Variants in UGDH observed in about 807,000 individuals in gnomAD.
The protein encoded by UGDH is UDP-Glc dehydrogenase.
In UGDH, 38 loss-of-function variants were observed where a neutral mutation model predicts 50.6. The observed-to-expected ratio is 0.75, with a 90% confidence interval of 0.58 to 0.98. UGDH has a LOEUF of 0.98. Among genes scored for constraint, UGDH ranks in the 50% least tolerant of loss-of-function variants. UGDH has a pLI of 0.00. For synonymous variants in UGDH, 168 were observed against 199.9 expected (o/e 0.84, Z 1.35); for missense variants, 465 against 606.2 (o/e 0.77, Z 2.45).
At chr4:39,503,003 G>A (rs1170462761) in intron 11 of UGDH, among the ~76,000 whole-genome samples, 7 of 152,036 alleles carry the variant, frequency 4.6e-5, no homozygotes, top group African/African-American at 1.4e-4. Flanking sequence ...TGCAACCTCC[G>A]CCTCCCAGGT....
Position 39,509,810 on chromosome 4 carries a change from G to A in UGDH, c.761C>T (p.Ala254Val), listed in dbSNP as rs1746165497. ...TGADVEEVAT[A>V]IGMDQRIGNK... is the part of the protein sequence containing the mutation. The stretch of plus-strand genomic sequence containing the variant: ...TCCAATTCTCTGGTCCATTCCAATC[G>A]CTGTTGCTACCTCTTCTACATCAGC... The change falls in exon 6 of 12, where the codon GCG (alanine) becomes GTG (valine). Residue 254 changes from alanine to valine, a missense_variant. Ala to Val is a moderately conservative substitution (Grantham distance 64). Coordinates refer to ENST00000316423, the MANE Select transcript of UGDH (RefSeq NM_003359.4). The A allele has an allele frequency of 1.2e-6, 2 of 1,612,862 alleles. No homozygotes were observed. The highest frequency in any genetic ancestry group is 1.7e-6 in the Non-Finnish European group (2 of 1,179,742).
At chr4:39,508,787 T>C (rs909958319) in intron 6 of UGDH, 127 bp from the exon 7 acceptor site, 39 of 745,672 alleles carry the variant, frequency 5.2e-5, no homozygotes, top group Admixed American at 3.1e-4. Flanking sequence ...TTCAGATGGA[T>C]AAATAATGGG....
At chr4:39,519,578 G>A (rs1034416094) in intron 2 of UGDH, among the ~76,000 whole-genome samples, 5 of 151,874 alleles carry the variant, frequency 3.3e-5, no homozygotes, top group African/African-American at 9.7e-5. Flanking sequence ...TTGCTCTGTA[G>A]CCCAGGCTGG....
Position 39,509,910 on chromosome 4 carries a change from T to TC in UGDH, c.664-4_664-3insG. On this transcript the variant is annotated splice_polypyrimidine_tract_variant and splice_region_variant and intron_variant, in intron 5 of 11. Transcript: ENST00000316423. The stretch of plus-strand genomic sequence containing the variant: ...TGGGCAAGAAAAGCATTTGCTGCCT[T>TC]AAAAAAAAAAAACATAGAGAAGAGT... 2.1e-6 allele frequency: 3 copies of TC among 1,399,122 alleles called. No homozygotes were observed. In the South Asian group the frequency reaches 4.0e-5, roughly 18 times the overall value. The allele number at this position is 1,399,122 out of a possible 1,614,324, so 86.7% of individuals were successfully genotyped here.
At chr4:39,501,276 ATTTT>A (rs71192870) in intron 11 of UGDH, among the ~76,000 whole-genome samples, 2 of 132,264 alleles carry the variant, frequency 1.5e-5, no homozygotes, top group African/African-American at 2.9e-5. Flanking sequence ...AACAGCATAA[ATTTT>A]TTTTTTTTTT....
Position 39,514,167 on chromosome 4 carries a change from C to T in UGDH, c.180G>A (p.Val60=), listed in dbSNP as rs948633603. 5 of 1,582,738 alleles carry T rather than the reference C, an allele frequency of 3.2e-6. No individual in the cohort carries two copies. The highest frequency in any genetic ancestry group is 4.3e-6 in the Non-Finnish European group (5 of 1,172,956). ...LPIYEPGLKE[V]VESCRGKNLF... is the part of the protein sequence containing the mutation. ...GATTTTTTCCTCGACAGGATTCTAC[C>T]ACTTCTTTTAGTCCTGGCTAAAAAG... The change falls in exon 3 of 12, where the codon GTG becomes GTA. Residue 60 remains valine (V), a synonymous_variant. Transcript: ENST00000316423.
rs146798400 is a variant in UGDH, at chr4:39,510,293, G to A, written c.663+60C>T. On this transcript the variant is annotated intron_variant, in intron 5 of 11. Transcript: ENST00000316423. ...AAAAAGTATCTGTGTAGTTTATCAGGCTTGAAATAAATAAATATTTGGCTT... is the reference window on the plus strand; with the variant it reads ...AAAAAGTATCTGTGTAGTTTATCAGACTTGAAATAAATAAATATTTGGCTT... The A allele has an allele frequency of 2.9e-4, 447 of 1,543,586 alleles. 2 individuals are homozygous for A. The African/African-American group carries it at 5.2e-3, about 18-fold the overall frequency.
rs28444131 is a variant in UGDH at position 39,506,891 on chromosome 4, G to A, written c.907-1143C>T. Among the ~76,000 whole-genome samples the A allele has an allele frequency of 8.6e-3, 1,308 of 152,214 alleles. 16 individuals carry two copies. Among genetic ancestry groups the A allele is most frequent in the African/African-American group, 0.03 (1,241 of 41,522 alleles). On this transcript the variant is annotated intron_variant, in intron 7 of 11. Coordinates refer to ENST00000316423, the MANE Select transcript of UGDH (RefSeq NM_003359.4). ...ATGTGCATTTCCGGCTAGGCAGGGT[G>A]GTGCACCTGTAGTCCCAGCTACTCA...
At chr4:39,508,992 T>A (rs557909229) in intron 6 of UGDH, among the ~76,000 whole-genome samples, 1 of 147,994 alleles carries the variant, frequency 6.8e-6, no homozygotes, top group Admixed American at 6.9e-5. Flanking sequence ...TTTCTCTTTT[T>A]GAGACAGAGT....
Position 39,510,732 on chromosome 4 carries a change from C to A in UGDH, c.394G>T (p.Val132Phe), listed in dbSNP as rs111337616. 5.0e-6 allele frequency: 8 copies of A among 1,614,116 alleles called. No homozygotes were observed. The highest frequency in any genetic ancestry group is 6.8e-6 in the Non-Finnish European group (8 of 1,180,038). ...GYKIVTEKST[V>F]PVRAAESIRR... Reference sequence around the variant, plus strand: ...ATACTTTCTGCTGCCCGCACTGGAACTGTGCTTTTCTCAGTCACAATTTTG... The same window carrying A: ...ATACTTTCTGCTGCCCGCACTGGAAATGTGCTTTTCTCAGTCACAATTTTG... Residue 132 changes from valine to phenylalanine, a missense_variant, in exon 4 of 12, where the codon GTT becomes TTT. By Grantham distance (50) the Val-to-Phe change is conservative (BLOSUM62 -1). Coordinates refer to ENST00000316423, the MANE Select transcript of UGDH (RefSeq NM_003359.4).
In UGDH at chr4:39,515,141, A is replaced by G. The variant is rs566885250; in HGVS notation, c.163-957T>C. 8.5e-5 allele frequency among the ~76,000 whole-genome samples: 13 copies of G among 152,256 alleles called. No homozygotes were observed. The South Asian group carries it at 2.5e-3, about 29-fold the overall frequency. The stretch of plus-strand genomic sequence containing the variant: ...GGAGTAAGTTACCACGCCCTGCCTC[A>G]TAAGTACACTTAAGTAAATAAAGTA... On this transcript the variant is annotated intron_variant, in intron 2 of 11. Coordinates refer to ENST00000316423, the MANE Select transcript of UGDH (RefSeq NM_003359.4).
At chr4:39,510,159 T>A (rs1375113397) in intron 5 of UGDH, among the ~76,000 whole-genome samples, 194 bp downstream of exon 5, 1 of 151,762 alleles carries the variant, frequency 6.6e-6, no homozygotes, top group Non-Finnish European at 1.5e-5. Flanking sequence ...ATTTCAGAAT[T>A]TTTCAGAATC....
chr4:39,510,782 C>A lies in UGDH; in HGVS notation c.344G>T (p.Arg115Leu), dbSNP rs202045254. Reference sequence around the variant, plus strand: ...GTACCCATTTGAGTTTTGCACAATGCGTCTAGCACAAGCTTCAATATACTT... The same window carrying A: ...GTACCCATTTGAGTTTTGCACAATGAGTCTAGCACAAGCTTCAATATACTT... Reference protein sequence around the residue: ...DLKYIEACARRIVQNSNGYKI... With the variant: ...DLKYIEACARLIVQNSNGYKI... Residue 115 changes from arginine (R) to leucine (L), a missense_variant, in exon 4 of 12, where the codon CGC becomes CTC. Arg to Leu is a moderately radical substitution (Grantham distance 102). Transcript: ENST00000316423. The A allele has an allele frequency of 1.2e-6, 2 of 1,614,200 alleles. No homozygotes were observed. The highest frequency in any genetic ancestry group is 2.2e-5 in the South Asian group (2 of 91,080).
chr4:39,500,328 G>C, intron 11 of UGDH, 75 bp from the exon 12 acceptor site: 1 of 881,942 alleles, frequency 1.1e-6, no homozygotes, highest in Non-Finnish European at 1.7e-6. Context: ...ACTGAAATGG[G>C]AGCAGGGGGA....
intron 2 of UGDH, among the ~76,000 whole-genome samples, chr4:39,517,994 A>T (rs10031932): frequency 0.21 from 32,061 of 151,814 alleles, 5,202 homozygotes; most frequent in African/African-American, 0.44. Flanking sequence ...AGTGGTGCAA[A>T]CTCGGCTCAC....
chr4:39,500,653 C>CTTTTTTTTTTTTTTTTTTTTT (rs11284301), intron 11 of UGDH, among the ~76,000 whole-genome samples: 11 of 135,222 alleles, frequency 8.1e-5, no homozygotes, highest in Non-Finnish European at 1.1e-4. Flanking sequence ...GCATAATTCT[C>CTTTTTTTTTTTTTTTTTTTTT]TTTTTTTTTT....
intron 7 of UGDH, among the ~76,000 whole-genome samples, chr4:39,505,972 C>T (rs1746009597): frequency 6.6e-6 from 1 of 151,954 alleles, no homozygotes; most frequent in Non-Finnish European, 1.5e-5. Flanking sequence ...TAGCTCATAC[C>T]TGTAATCCCA....
intron 7 of UGDH, among the ~76,000 whole-genome samples, chr4:39,508,293 G>A (rs567058530): frequency 8.9e-4 from 136 of 152,270 alleles, no homozygotes; most frequent in African/African-American, 2.9e-3. Context: ...GCAGTGGAGC[G>A]ATCATAAGTC....
chr4:39,514,660 C>G (rs901858555), intron 2 of UGDH, among the ~76,000 whole-genome samples: 1 of 151,368 alleles, frequency 6.6e-6, no homozygotes, highest in African/African-American at 2.4e-5. Flanking sequence ...AGTGAGCCAC[C>G]ATGCCCAGCC....
Sources: gnomAD v4.1 joint callset for allele counts (sites outside exome capture counted in the v4.1 genomes callset) on GRCh38, gnomAD v4.1.1 for gene constraint, MANE v1.5 for transcripts, NCBI Gene and HGNC (gene_info 2026-07-23, HGNC 2026-07-21) for gene names.